Variants in PRSS16 observed in about 807,000 individuals in gnomAD.
PRSS16 encodes the protein thymus-specific serine protease.
PRSS16 carries 43 observed loss-of-function variants against 61.7 expected under a neutral mutation model. The ratio of observed to expected loss-of-function variants is 0.70; its 90% CI spans 0.55 to 0.90. The LOEUF (loss-of-function observed/expected upper bound fraction) is 0.90. Ranked by LOEUF, PRSS16 falls within the 40% of genes least tolerant of loss-of-function variation. The pLI is 0.00. For missense variants in PRSS16, 591 were observed against 659.1 expected, an observed-to-expected ratio of 0.90 and a Z score of 1.13; for synonymous variants, 273 against 285.2, an observed-to-expected ratio of 0.96 and a Z score of 0.43.
At chr6:27,253,874 T>C (rs1194749344) in intron 9 of PRSS16, 1 of 156,296 alleles carries the variant, frequency 6.4e-6, no homozygotes, top group Non-Finnish European at 1.4e-5. Context: ...GCTATTGTTA[T>C]TATTATAAGG....
chr6:27,252,896 C>A lies in PRSS16; in HGVS notation c.1097C>A (p.Ser366Tyr), dbSNP rs553775139. 1.2e-5 allele frequency: 19 copies of A among 1,614,198 alleles called. No homozygotes were observed. The African/African-American group carries it at 1.3e-4, about 11-fold the overall frequency. The change falls in exon 9 of 12, where the codon TCT becomes TAT. Residue 366 changes from serine (S) to tyrosine (Y), a missense_variant. Ser to Tyr is a moderately radical substitution (Grantham distance 144). Transcript: ENST00000230582. The surrounding 1 kb of genome is among the most constrained non-coding windows in gnomAD (Gnocchi z 4.2). ...AQLRSTEPQL[S>Y]GVGDRQWLYQ... is the part of the protein sequence containing the mutation. ...CTGAGGAGCACAGAACCTCAACTGT[C>A]TGGTGTGGGTGACCGGCAGTGGTTG...
rs150849072 is a variant in PRSS16 at position 27,248,035 on chromosome 6, G to A, written c.224G>A (p.Arg75Gln). ...LLDPFNVSDR[R>Q]SFLQRYWVND... is the part of the protein sequence containing the mutation. The stretch of plus-strand genomic sequence containing the variant: ...GACCCCTTCAACGTGTCCGACAGAC[G>A]ATCCTTCCTACAGGTGAGGCCGGGA... Residue 75 changes from arginine to glutamine, a missense_variant, in exon 2 of 12, where the codon CGA becomes CAA. Arg to Gln is a conservative substitution (Grantham distance 43, BLOSUM62 1). Transcript: ENST00000230582. 7.0e-5 allele frequency: 113 copies of A among 1,613,546 alleles called. No homozygotes were observed. The highest frequency in any genetic ancestry group is 6.1e-4 in the African/African-American group (46 of 74,998).
rs573409353 is a variant in PRSS16, at chr6:27,255,246, G to A, written c.1477-1G>A. Reference sequence around the variant, plus strand: ...TTCAAATTCTTCCCACCTCCCCACAGAACATCTTCCAGCAGCTACAGACCT... The same window carrying A: ...TTCAAATTCTTCCCACCTCCCCACAAAACATCTTCCAGCAGCTACAGACCT... On this transcript the variant is annotated splice_acceptor_variant, in intron 11 of 11. Transcript: ENST00000230582. LOFTEE classifies it high-confidence loss of function. The surrounding 1 kb of genome is among the most constrained non-coding windows in gnomAD (Gnocchi z 4.4). 4 of 1,614,034 alleles carry A rather than the reference G, an allele frequency of 2.5e-6. No individual in the cohort carries two copies. The highest frequency in any genetic ancestry group is 1.1e-5 in the South Asian group (1 of 91,060).
chr6:27,255,390 G>A lies in PRSS16; in HGVS notation c.*75G>A. The A allele has an allele frequency of 7.0e-7, 1 of 1,423,998 alleles. No individual in the cohort carries two copies. The highest frequency in any genetic ancestry group is 9.6e-7 in the Non-Finnish European group (1 of 1,044,174). The allele number at this position is 1,423,998 out of a possible 1,614,324, so 88.2% of individuals were successfully genotyped here. A position where few individuals can be genotyped will look rare whatever the true frequency, so the allele number is the denominator to read the frequency against. The stretch of plus-strand genomic sequence containing the variant: ...CTTGTTCACTGAACAAAAGAAAGCA[G>A]CTTGTTTTGAAAGAAGAAACTCCCA... On this transcript the variant is annotated 3_prime_UTR_variant, in exon 12 of 12. Transcript: ENST00000230582. This position sits in a 1 kb window ranked among gnomAD's most constrained non-coding sequence, Gnocchi z 4.4.
Position 27,251,030 on chromosome 6 carries a change from C to T in PRSS16, c.592-12C>T. 1 of 1,613,622 alleles carries T rather than the reference C, an allele frequency of 6.2e-7. No individual in the cohort carries two copies. The highest frequency in any genetic ancestry group is 8.5e-7 in the Non-Finnish European group (1 of 1,180,016). ...CCCTCAGCCCGCAGGCTGACGGCGT[C>T]TCCTCCCTTAGTTCCCCCATCTCAT... On this transcript the variant is annotated splice_polypyrimidine_tract_variant and intron_variant, in intron 5 of 11. Transcript: ENST00000230582. This position sits in a 1 kb window ranked among gnomAD's most constrained non-coding sequence, Gnocchi z 5.6.
Position 27,251,611 on chromosome 6 carries a change from G to T in PRSS16, c.718-139G>T, listed in dbSNP as rs1242750568. Reference sequence around the variant, plus strand: ...TGGGGGCGGGGGCCTGGGGGCGGGGGCCTGGGCCAAGAGCTAGGTCTGCAC... The same window carrying T: ...TGGGGGCGGGGGCCTGGGGGCGGGGTCCTGGGCCAAGAGCTAGGTCTGCAC... On this transcript the variant is annotated intron_variant, in intron 7 of 11. Coordinates refer to ENST00000230582, the MANE Select transcript of PRSS16 (RefSeq NM_005865.4). This position sits in a 1 kb window ranked among gnomAD's most constrained non-coding sequence, Gnocchi z 5.6. The T allele has an allele frequency of 3.6e-6, 3 of 836,020 alleles. No individual in the cohort carries two copies. The highest frequency in any genetic ancestry group is 4.9e-6 in the Non-Finnish European group (3 of 614,268). The allele number at this position is 836,020 out of a possible 1,614,324, so 51.8% of individuals were successfully genotyped here. A position where few individuals can be genotyped will look rare whatever the true frequency, so the allele number is the denominator to read the frequency against.
rs745970819 is a variant in PRSS16, at chr6:27,251,758, G to C, written c.726G>C (p.Ala242=). Reference sequence around the variant, plus strand: ...CCTCTTGCTTCCCACAGTGCCGGGCGGCGGTGTCCGTCGCCTTCGCTGAAG... The same window carrying C: ...CCTCTTGCTTCCCACAGTGCCGGGCCGCGGTGTCCGTCGCCTTCGCTGAAG... ...TAIGGSLECR[A]AVSVAFAEVE... Residue 242 remains alanine (A), a synonymous_variant, in exon 8 of 12, where the codon GCG becomes GCC. Transcript: ENST00000230582. The surrounding 1 kb of genome is among the most constrained non-coding windows in gnomAD (Gnocchi z 5.6). 6.2e-7 allele frequency: 1 copy of C among 1,603,404 alleles called. No individual in the cohort carries two copies. Among genetic ancestry groups the C allele is most frequent in the South Asian group, 1.1e-5 (1 of 90,580 alleles).
Position 27,251,357 on chromosome 6 carries a change from A to G in PRSS16, c.717+93A>G, listed in dbSNP as rs1207566032. 1 of 1,447,116 alleles carries G rather than the reference A, an allele frequency of 6.9e-7. No homozygotes were observed. Among genetic ancestry groups the G allele is most frequent in the African/African-American group, 1.4e-5 (1 of 70,366 alleles). 89.6% of individuals were successfully genotyped at this position (1,447,116 alleles called of 1,614,324 possible). On this transcript the variant is annotated intron_variant, in intron 7 of 11. Transcript: ENST00000230582. This position sits in a 1 kb window ranked among gnomAD's most constrained non-coding sequence, Gnocchi z 5.6. ...AGGCCAGAGAAGGGCGAAACCTGCA[A>G]CGTGGCGGGGTCTAAGGAAGGTCGG...
intron 4 of PRSS16, 118 bp from the exon 5 acceptor site, chr6:27,250,565 C>T: frequency 7.0e-7 from 1 of 1,429,582 alleles, no homozygotes; most frequent in Non-Finnish European, 9.4e-7. Context: ...AGAAAACGGC[C>T]CTGGTTTCTG....
chr6:27,251,204 G>T lies in PRSS16; in HGVS notation c.670-13G>T. The T allele has an allele frequency of 6.2e-7, 1 of 1,613,306 alleles. No homozygotes were observed. ...GACACTTCCGGATACCTTCCTCTGC[G>T]GTCCGCCCACAGGTGGTATCCCGAA... On this transcript the variant is annotated splice_polypyrimidine_tract_variant and intron_variant, in intron 6 of 11. Coordinates refer to ENST00000230582, the MANE Select transcript of PRSS16 (RefSeq NM_005865.4). This position sits in a 1 kb window ranked among gnomAD's most constrained non-coding sequence, Gnocchi z 5.6.
At position 27,251,287 on chromosome 6, in the gene PRSS16, A is replaced by AG. The variant is rs929611522; in HGVS notation, c.717+28dup. On this transcript the variant is annotated intron_variant, in intron 7 of 11. Transcript: ENST00000230582. The surrounding 1 kb of genome is among the most constrained non-coding windows in gnomAD (Gnocchi z 5.6). ...GAGGTAGGAGGTGGGGCCTAGTCCGAGGGGGACTGGGAGGGAAAAGAGGCC... is the reference window on the plus strand; with the variant it reads ...GAGGTAGGAGGTGGGGCCTAGTCCGAGGGGGGACTGGGAGGGAAAAGAGGCC... 6.3e-7 allele frequency: 1 copy of AG among 1,587,888 alleles called. No homozygotes were observed.
Position 27,255,057 on chromosome 6 carries a change from C to T in PRSS16, c.1402C>T (p.Arg468Cys), listed in dbSNP as rs369828855. The change falls in exon 11 of 12, where the codon CGC becomes TGC. Residue 468 changes from arginine to cysteine, a missense_variant. Coordinates refer to ENST00000230582, the MANE Select transcript of PRSS16 (RefSeq NM_005865.4). This position sits in a 1 kb window ranked among gnomAD's most constrained non-coding sequence, Gnocchi z 4.4. ...ATCCTCAGAATCAACTCTTCTTATCCGCACTGGCTCCCACTGCTTGGACAT... is the reference window on the plus strand; with the variant it reads ...ATCCTCAGAATCAACTCTTCTTATCTGCACTGGCTCCCACTGCTTGGACAT... ...LGSSESTLLI[R>C]TGSHCLDMAP... The T allele has an allele frequency of 9.9e-6, 16 of 1,613,936 alleles. No individual in the cohort carries two copies. The African/African-American group carries it at 1.3e-4, about 13-fold the overall frequency.
intron 9 of PRSS16, 150 bp downstream of exon 9, chr6:27,253,099 C>T (rs1465631253): frequency 1.8e-5 from 19 of 1,034,416 alleles, no homozygotes; most frequent in Non-Finnish European, 2.5e-5. Context: ...AAGGTGGAAG[C>T]CATACTAGTG....
In PRSS16 at chr6:27,254,891, C is replaced by T; in HGVS notation, c.1330+19C>T. 6.2e-7 allele frequency: 1 copy of T among 1,613,006 alleles called. No homozygotes were observed. Among genetic ancestry groups the T allele is most frequent in the Non-Finnish European group, 8.5e-7 (1 of 1,179,224 alleles). On this transcript the variant is annotated intron_variant, in intron 10 of 11. Coordinates refer to ENST00000230582, the MANE Select transcript of PRSS16 (RefSeq NM_005865.4). ...GTTAATGGTGAGCATGCTATCAAAACCTGGCTGCTAAGCCTCCACCTAGCC... is the reference window on the plus strand; with the variant it reads ...GTTAATGGTGAGCATGCTATCAAAATCTGGCTGCTAAGCCTCCACCTAGCC...
At chr6:27,248,183 G>A in intron 2 of PRSS16, 135 bp downstream of exon 2, 1 of 1,118,516 alleles carries the variant, frequency 8.9e-7, no homozygotes, top group Non-Finnish European at 1.2e-6. Context: ...CTCATGTTAT[G>A]CTTGCTGTCA....
At position 27,251,289 on chromosome 6, in the gene PRSS16, G is replaced by T. The variant is rs776017690; in HGVS notation, c.717+25G>T. On this transcript the variant is annotated intron_variant, in intron 7 of 11. Coordinates refer to ENST00000230582, the MANE Select transcript of PRSS16 (RefSeq NM_005865.4). The surrounding 1 kb of genome is among the most constrained non-coding windows in gnomAD (Gnocchi z 5.6). Reference sequence around the variant, plus strand: ...GGTAGGAGGTGGGGCCTAGTCCGAGGGGGACTGGGAGGGAAAAGAGGCCTC... The same window carrying T: ...GGTAGGAGGTGGGGCCTAGTCCGAGTGGGACTGGGAGGGAAAAGAGGCCTC... 3 of 1,586,508 alleles carry T rather than the reference G, an allele frequency of 1.9e-6. No individual in the cohort carries two copies. In the African/African-American group the frequency reaches 4.0e-5, roughly 21 times the overall value.
In PRSS16 at chr6:27,251,986, C is replaced by A. The variant is rs1759922273; in HGVS notation, c.954C>A (p.Gly318=). The change falls in exon 8 of 12, where the codon GGC becomes GGA. Residue 318 remains glycine, a synonymous_variant. Coordinates refer to ENST00000230582, the MANE Select transcript of PRSS16 (RefSeq NM_005865.4). This position sits in a 1 kb window ranked among gnomAD's most constrained non-coding sequence, Gnocchi z 5.6. ...AGCTCTGCGGACTTCTCCTCGGGGG[C>A]GGGGGCAACCGCAGCCACTCCACGC... ...VRQLCGLLLG[G]GGNRSHSTPY... is the part of the protein sequence containing the mutation. 2 of 1,586,764 alleles carry A rather than the reference C, an allele frequency of 1.3e-6. No homozygotes were observed. Among genetic ancestry groups the A allele is most frequent in the Non-Finnish European group, 8.6e-7 (1 of 1,168,210 alleles).
In PRSS16 at chr6:27,247,823, G is replaced by A; in HGVS notation, c.70+16G>A. ...TTGGCTCCAGGTAAGAGGAGGCTGA[G>A]GGTCAAGCAGGGCATCCTAAGGGGG... On this transcript the variant is annotated intron_variant, in intron 1 of 11. Coordinates refer to ENST00000230582, the MANE Select transcript of PRSS16 (RefSeq NM_005865.4). 1 of 1,613,690 alleles carries A rather than the reference G, an allele frequency of 6.2e-7. No homozygotes were observed. Among genetic ancestry groups the A allele is most frequent in the Admixed American group, 1.7e-5 (1 of 59,950 alleles).
chr6:27,251,108 G>A lies in PRSS16; in HGVS notation c.658G>A (p.Glu220Lys). 6.2e-7 allele frequency: 1 copy of A among 1,614,086 alleles called. No homozygotes were observed. Among genetic ancestry groups the A allele is most frequent in the Non-Finnish European group, 8.5e-7 (1 of 1,180,040 alleles). ...GGTGCGGGCCGTGCTGGATTTCTCCGAGTATAATGACGTAAGGATGGCGGG... is the reference window on the plus strand; with the variant it reads ...GGTGCGGGCCGTGCTGGATTTCTCCAAGTATAATGACGTAAGGATGGCGGG... ...APVRAVLDFS[E>K]YNDVVSRSLM... is the part of the protein sequence containing the mutation. The change falls in exon 6 of 12, where the codon GAG (glutamate) becomes AAG (lysine). Residue 220 changes from glutamate to lysine, a missense_variant. Coordinates refer to ENST00000230582, the MANE Select transcript of PRSS16 (RefSeq NM_005865.4). The surrounding 1 kb of genome is among the most constrained non-coding windows in gnomAD (Gnocchi z 5.6).
Sources: allele counts gnomAD v4.1 joint callset, GRCh38; gene constraint gnomAD v4.1.1; non-coding constraint Gnocchi (gnomAD v3.1); transcripts MANE v1.5; gene names NCBI Gene and HGNC (gene_info 2026-07-23, HGNC 2026-07-21).